The following GALNT14 variants were observed in gnomAD, a reference collection of about 807,000 sequenced individuals.
GALNT14 encodes the protein polypeptide N-acetylgalactosaminyltransferase 14, also known as UDP-GalNAc:polypeptide N-acetylgalactosaminyltransferase 14.
A neutral mutation model predicts 77.5 loss-of-function variants in GALNT14; 60 were observed. The ratio of observed to expected loss-of-function variants is 0.77; its 90% CI spans 0.63 to 0.96. The LOEUF (loss-of-function observed/expected upper bound fraction) is 0.96. Among genes scored for constraint, GALNT14 ranks in the 40% least tolerant of loss-of-function variants. The pLI is 0.00. For synonymous variants in GALNT14, 280 were observed against 281.7 expected (o/e 0.99, Z 0.06); for missense variants, 710 against 731.0 (o/e 0.97, Z 0.33).
intron 3 of GALNT14, among the ~76,000 whole-genome samples, chr2:30,961,339 C>T (rs920772994): frequency 6.6e-6 from 1 of 152,260 alleles, no homozygotes; most frequent in Admixed American, 6.5e-5. Flanking sequence ...AGAATGAAGA[C>T]CCAAGGCCGG....
intron 1 of GALNT14, among the ~76,000 whole-genome samples, chr2:31,048,391 AG>A (rs1673616963): frequency 6.6e-6 from 1 of 152,216 alleles, no homozygotes; most frequent in Admixed American, 6.5e-5. Context: ...GAGCCTGATC[AG>A]GTAGTTCAGC....
chr2:30,969,011 T>C (rs1244238824), intron 2 of GALNT14, among the ~76,000 whole-genome samples: 1 of 151,880 alleles, frequency 6.6e-6, no homozygotes, highest in Non-Finnish European at 1.5e-5. Context: ...TGTGAGAGCA[T>C]GGAGGGGCTT....
At chr2:30,971,422 G>T (rs1477669929) in intron 2 of GALNT14, among the ~76,000 whole-genome samples, 1 of 152,132 alleles carries the variant, frequency 6.6e-6, no homozygotes, top group Non-Finnish European at 1.5e-5. Flanking sequence ...TCTGGTCTCA[G>T]CCTCACCTCC....
rs1210839221 is a variant in GALNT14, at chr2:30,992,820, G to A, written c.299+18C>T. 6.2e-7 allele frequency: 1 copy of A among 1,610,954 alleles called. No individual in the cohort carries two copies. The highest frequency in any genetic ancestry group is 1.7e-5 in the Admixed American group (1 of 59,954). On this transcript the variant is annotated intron_variant, in intron 2 of 14. Transcript: ENST00000349752. ...CTTTTGACTGCGGGGGTAACAGAGT[G>A]GGAGAAGGAGGAAGTACCTCAGATG...
chr2:30,955,871 ACACT>A (rs1376666309), intron 5 of GALNT14, 37 bp downstream of exon 5: 1 of 1,612,666 alleles, frequency 6.2e-7, no homozygotes, highest in Non-Finnish European at 8.5e-7. Context: ...CGACCCCCCG[ACACT>A]CACACTGGAG....
downstream of GALNT14, among the ~76,000 whole-genome samples, chr2:30,905,890 G>C (rs1164375513): frequency 1.3e-5 from 2 of 152,082 alleles, no homozygotes; most frequent in Non-Finnish European, 2.9e-5. Context: ...AGCCAGAAGA[G>C]AGTCAGGGCC....
chr2:31,052,073 C>T (rs61555949), intron 1 of GALNT14, among the ~76,000 whole-genome samples: 2,566 of 152,210 alleles, frequency 0.017, 68 homozygotes, highest in African/African-American at 0.053. Context: ...TACCCGATGG[C>T]GCTCCACGGG....
intron 1 of GALNT14, among the ~76,000 whole-genome samples, chr2:30,994,045 G>C (rs940319145): frequency 6.6e-6 from 1 of 152,216 alleles, no homozygotes; most frequent in Non-Finnish European, 1.5e-5. Flanking sequence ...CCCCTGGGGA[G>C]GAGCTGGTCT....
At chr2:31,134,662 T>C (rs1679147082) in intron 1 of GALNT14, among the ~76,000 whole-genome samples, 1 of 152,164 alleles carries the variant, frequency 6.6e-6, no homozygotes, top group East Asian at 1.9e-4. Flanking sequence ...CCCTCCGCAG[T>C]AGCTCCTGCC....
At chr2:31,067,620 A>G (rs188398329) in intron 1 of GALNT14, among the ~76,000 whole-genome samples, 2 of 152,294 alleles carry the variant, frequency 1.3e-5, no homozygotes, top group Admixed American at 1.3e-4. Flanking sequence ...CAGTTTACCC[A>G]GTTTCAAAGA....
At chr2:30,887,645 A>T in the GALNT14 span, among the ~76,000 whole-genome samples, 2 of 152,234 alleles carry the variant, frequency 1.3e-5, no homozygotes, top group Non-Finnish European at 2.9e-5. Context: ...TACGATTTGC[A>T]ATATCTGTGG....
intron 1 of GALNT14, among the ~76,000 whole-genome samples, chr2:31,100,040 G>C (rs1677187206): frequency 6.6e-6 from 1 of 151,934 alleles, no homozygotes; most frequent in South Asian, 2.1e-4. Context: ...ATATACTTTA[G>C]TAGTGTTTTT....
intron 11 of GALNT14, 29 bp from the exon 12 acceptor site, chr2:30,924,852 C>T (rs1431566337): frequency 1.2e-6 from 2 of 1,600,668 alleles, no homozygotes; most frequent in African/African-American, 1.3e-5. Flanking sequence ...TGGACAGACA[C>T]AAAGACAAAA....
Position 30,910,960 on chromosome 2 carries a change from C to A in GALNT14, c.1600G>T (p.Val534Phe). The change falls in exon 15 of 15, where the codon GTC becomes TTC. Residue 534 changes from valine to phenylalanine, a missense_variant. Coordinates refer to ENST00000349752, the MANE Select transcript of GALNT14 (RefSeq NM_024572.4). ...AGTGAGGACTCACATGGGTTGACGA[C>A]GATTTCCTTGCCGTTCTCGGTGCCA... ...GDGTENGKEI[V>F]VNPCESSLMS... 2.5e-6 allele frequency: 4 copies of A among 1,613,880 alleles called. No homozygotes were observed. The highest frequency in any genetic ancestry group is 3.4e-6 in the Non-Finnish European group (4 of 1,179,982).
intron 2 of GALNT14, among the ~76,000 whole-genome samples, chr2:30,975,661 C>G (rs1283751662): frequency 3.9e-5 from 6 of 152,100 alleles, no homozygotes; most frequent in African/African-American, 1.4e-4. Context: ...TATTGGAAAT[C>G]ATTGTCCTAA....
chr2:31,109,429 A>G (rs1276174973), intron 1 of GALNT14, among the ~76,000 whole-genome samples: 1 of 152,254 alleles, frequency 6.6e-6, no homozygotes, highest in Admixed American at 6.5e-5. Context: ...TGCTAATAGC[A>G]CTGATACTTT....
intron 1 of GALNT14, among the ~76,000 whole-genome samples, chr2:31,080,714 A>C (rs147410270): frequency 6.6e-6 from 1 of 152,192 alleles, no homozygotes; most frequent in African/African-American, 2.4e-5. Flanking sequence ...TTTACATGAA[A>C]GGGTTAGTTT....
intron 1 of GALNT14, among the ~76,000 whole-genome samples, chr2:31,048,414 A>AGG (rs1369744926): frequency 1.3e-5 from 2 of 152,220 alleles, no homozygotes; most frequent in African/African-American, 4.8e-5. Flanking sequence ...AAAGGAAGAC[A>AGG]GGGCTCTACT....
chr2:31,009,312 G>GC (rs66874990), intron 1 of GALNT14, among the ~76,000 whole-genome samples: 1 of 151,980 alleles, frequency 6.6e-6, no homozygotes, highest in Non-Finnish European at 1.5e-5. Context: ...CCCTGGAAAA[G>GC]CCCCCCTTCG....
Sources: allele counts gnomAD v4.1 joint callset (sites outside exome capture counted in the v4.1 genomes callset), GRCh38; gene constraint gnomAD v4.1.1; transcripts MANE v1.5; gene names NCBI Gene and HGNC (gene_info 2026-07-23, HGNC 2026-07-21).